Variants in TAS2R1 observed in about 807,000 individuals in gnomAD.
TAS2R1 encodes the protein taste receptor type 2 member 1.
For missense variants in TAS2R1, 370 were observed against 353.4 expected (o/e 1.05, Z -0.38); for synonymous variants, 141 against 134.2 (o/e 1.05, Z -0.35).
At chr5:9,746,194 T>C in the TAS2R1 span, among the ~76,000 whole-genome samples, 11 of 152,300 alleles carry the variant, frequency 7.2e-5, no homozygotes, top group East Asian at 2.1e-3. Flanking sequence ...ATTCAAGAGA[T>C]GCAAATCAAA....
At chr5:9,722,134 C>G in the TAS2R1 span, among the ~76,000 whole-genome samples, 1 of 152,336 alleles carries the variant, frequency 6.6e-6, no homozygotes, top group East Asian at 1.9e-4. Flanking sequence ...TGATGATGGT[C>G]TCTGGCCAAC....
chr5:9,768,609 T>G, the TAS2R1 span, among the ~76,000 whole-genome samples: 4 of 152,030 alleles, frequency 2.6e-5, no homozygotes, highest in African/African-American at 9.7e-5. Flanking sequence ...CTTCTCCAAC[T>G]CCCATTCCTT....
At chr5:9,732,523 G>C in the TAS2R1 span, among the ~76,000 whole-genome samples, 1 of 152,136 alleles carries the variant, frequency 6.6e-6, no homozygotes, top group Non-Finnish European at 1.5e-5. Context: ...AAGGAGATCT[G>C]TCCCAGAGGC....
At chr5:9,728,286 T>C in the TAS2R1 span, among the ~76,000 whole-genome samples, 33 of 152,190 alleles carry the variant, frequency 2.2e-4, no homozygotes, top group Admixed American at 2.2e-3. Flanking sequence ...AATACACAAA[T>C]GAAGATGCAA....
chr5:9,809,076 C>T, the TAS2R1 span, among the ~76,000 whole-genome samples: 1 of 152,184 alleles, frequency 6.6e-6, no homozygotes, highest in Admixed American at 6.5e-5. Flanking sequence ...CTATCCTATA[C>T]CTGTCTCATC....
chr5:9,770,823 TATA>T, the TAS2R1 span, among the ~76,000 whole-genome samples: 1 of 152,154 alleles, frequency 6.6e-6, no homozygotes, highest in East Asian at 1.9e-4. Context: ...TTTTCCCAAA[TATA>T]ATAATATCTG....
chr5:9,879,762 T>C, the TAS2R1 span, among the ~76,000 whole-genome samples: 2 of 152,158 alleles, frequency 1.3e-5, no homozygotes, highest in African/African-American at 4.8e-5. Flanking sequence ...ACAAATTTTG[T>C]GAGAGGTACG....
chr5:9,783,329 C>G, the TAS2R1 span, among the ~76,000 whole-genome samples: 1 of 152,230 alleles, frequency 6.6e-6, no homozygotes, highest in African/African-American at 2.4e-5. Context: ...ACAGGCTGAG[C>G]TGGCCCTTGA....
At chr5:9,843,790 A>G in the TAS2R1 span, among the ~76,000 whole-genome samples, 5 of 152,198 alleles carry the variant, frequency 3.3e-5, no homozygotes, top group African/African-American at 1.2e-4. Flanking sequence ...CTCTGTTCAG[A>G]GTATCACTGG....
chr5:9,839,825 T>C, the TAS2R1 span, among the ~76,000 whole-genome samples: 1 of 152,210 alleles, frequency 6.6e-6, no homozygotes, highest in Admixed American at 6.5e-5. Context: ...TATAGTCATT[T>C]TTCCTGCCTT....
At chr5:9,701,312 C>G (rs1299006832) in intron 1 of TAS2R1, among the ~76,000 whole-genome samples, 1 of 151,604 alleles carries the variant, frequency 6.6e-6, no homozygotes, top group Non-Finnish European at 1.5e-5. Context: ...TCCCGGACCC[C>G]TCCTTCCAAT....
the TAS2R1 span, among the ~76,000 whole-genome samples, chr5:9,803,091 T>A: frequency 6.6e-6 from 1 of 151,966 alleles, no homozygotes; most frequent in Non-Finnish European, 1.5e-5. Flanking sequence ...CTTAGAGAAA[T>A]GCAAAATGTA....
At chr5:9,749,747 A>G in the TAS2R1 span, among the ~76,000 whole-genome samples, 2 of 152,228 alleles carry the variant, frequency 1.3e-5, no homozygotes, top group Non-Finnish European at 2.9e-5. Context: ...AGTACAAAGA[A>G]CAACAAAATC....
upstream of TAS2R1, among the ~76,000 whole-genome samples, chr5:9,633,297 T>TATATATATATATATATA (rs1561364930): frequency 1.9e-3 from 174 of 92,578 alleles, 17 homozygotes; most frequent in East Asian, 0.049. Flanking sequence ...GTGTATATTA[T>TATATATATATATATATA]ATATATATAT....
At chr5:9,685,464 A>G (rs993972760) in intron 1 of TAS2R1, among the ~76,000 whole-genome samples, 1 of 152,158 alleles carries the variant, frequency 6.6e-6, no homozygotes, top group Non-Finnish European at 1.5e-5. Context: ...TTGTTATAAT[A>G]TCACATATTA....
the TAS2R1 span, among the ~76,000 whole-genome samples, chr5:9,808,239 T>A: frequency 5.9e-5 from 9 of 152,120 alleles, no homozygotes; most frequent in Admixed American, 5.2e-4. Context: ...TCTGATGAAG[T>A]CACAGATGAA....
chr5:9,658,791 A>G (rs1017685068), intron 2 of TAS2R1: 1 of 152,238 alleles, frequency 6.6e-6, no homozygotes, highest in Non-Finnish European at 1.5e-5. Flanking sequence ...ATGTGTTCTC[A>G]TGACAAGACG....
the TAS2R1 span, among the ~76,000 whole-genome samples, chr5:9,745,308 A>C: frequency 6.6e-6 from 1 of 152,274 alleles, no homozygotes. Flanking sequence ...AGCATGAGAT[A>C]TTATGGTTGA....
upstream of TAS2R1, among the ~76,000 whole-genome samples, chr5:9,631,898 G>A (rs1411641894): frequency 1.3e-5 from 2 of 152,150 alleles, no homozygotes; most frequent in Non-Finnish European, 1.5e-5. Context: ...GAAAGAGACA[G>A]GATCATCTTC....
Sources: allele counts gnomAD v4.1 joint callset (sites outside exome capture counted in the v4.1 genomes callset), GRCh38; gene constraint gnomAD v4.1.1; transcripts MANE v1.5; gene names NCBI Gene and HGNC (gene_info 2026-07-23, HGNC 2026-07-21).